TMTC2: variants seen among roughly 807,000 people sequenced by gnomAD.
TMTC2 encodes the protein protein O-mannosyl-transferase TMTC2.
TMTC2 carries 43 observed loss-of-function variants against 82.4 expected under a neutral mutation model. The observed-to-expected ratio is 0.52, with a 90% CI of 0.41 to 0.67. The LOEUF (loss-of-function observed/expected upper bound fraction) is 0.67. Ranked by LOEUF, TMTC2 falls within the 30% of genes least tolerant of loss-of-function variation. TMTC2 has a pLI of 0.00. For missense variants in TMTC2, 919 were observed against 1,012.4 expected (o/e 0.91, Z 1.25); for synonymous variants, 408 against 381.9 (o/e 1.07, Z -0.80).
intron 10 of TMTC2, among the ~76,000 whole-genome samples, chr12:83,054,829 C>T (rs1281662262): frequency 2.0e-5 from 3 of 151,926 alleles, no homozygotes; most frequent in Non-Finnish European, 4.4e-5. Flanking sequence ...GGATGATCTT[C>T]ATTCATCATA....
chr12:82,834,942 A>T (rs1869951538), intron 1 of TMTC2, among the ~76,000 whole-genome samples: 1 of 151,330 alleles, frequency 6.6e-6, no homozygotes, highest in African/African-American at 2.4e-5. Context: ...CGGTGGTGCT[A>T]TCTCGGCCCA....
chr12:83,045,749 A>ACACACACACACACACACACACC (rs1882092500), intron 9 of TMTC2, among the ~76,000 whole-genome samples: 4 of 138,206 alleles, frequency 2.9e-5, no homozygotes, highest in African/African-American at 1.0e-4. Flanking sequence ...ACACACACAC[A>ACACACACACACACACACACACC]CACCAGGAGT....
chr12:83,041,443 C>G (rs932360066), intron 9 of TMTC2, among the ~76,000 whole-genome samples: 7 of 152,048 alleles, frequency 4.6e-5, no homozygotes, highest in Non-Finnish European at 1.0e-4. Flanking sequence ...TATAAAGTAA[C>G]TAGCACATAA....
At chr12:82,703,675 T>G (rs1271014322) in intron 1 of TMTC2, among the ~76,000 whole-genome samples, 1 of 151,972 alleles carries the variant, frequency 6.6e-6, no homozygotes, top group Non-Finnish European at 1.5e-5. Flanking sequence ...ATTTTTTCTA[T>G]TTTTTGGTAG....
chr12:82,852,975 A>T (rs1485753657), intron 1 of TMTC2, among the ~76,000 whole-genome samples: 1 of 152,246 alleles, frequency 6.6e-6, no homozygotes, highest in African/African-American at 2.4e-5. Flanking sequence ...GAATTTTATC[A>T]TACTAATGTC....
intron 2 of TMTC2, among the ~76,000 whole-genome samples, chr12:82,886,389 TA>T (rs1384598437): frequency 1.3e-5 from 2 of 152,206 alleles, no homozygotes; most frequent in Non-Finnish European, 2.9e-5. Flanking sequence ...CAAGTATGAT[TA>T]AATGAGAGAC....
At chr12:82,947,205 A>G (rs982709124) in intron 4 of TMTC2, among the ~76,000 whole-genome samples, 7 of 152,212 alleles carry the variant, frequency 4.6e-5, no homozygotes, top group African/African-American at 1.7e-4. Flanking sequence ...CCTGTTTGAA[A>G]TAAAATTTCT....
intron 2 of TMTC2, among the ~76,000 whole-genome samples, chr12:82,886,648 A>G (rs1232852484): frequency 2.0e-5 from 3 of 152,226 alleles, no homozygotes; most frequent in African/African-American, 7.2e-5. Flanking sequence ...GCGATACCAA[A>G]CATTATAAAA....
At chr12:82,730,861 A>G (rs1565725946) in intron 1 of TMTC2, among the ~76,000 whole-genome samples, 1 of 152,020 alleles carries the variant, frequency 6.6e-6, no homozygotes, top group Non-Finnish European at 1.5e-5. Context: ...TAGAGAGGTA[A>G]AATCAAACGG....
intron 1 of TMTC2, among the ~76,000 whole-genome samples, chr12:82,837,623 G>A (rs569461713): frequency 1.3e-5 from 2 of 152,244 alleles, no homozygotes; most frequent in South Asian, 4.2e-4. Flanking sequence ...GCTTTTGGTC[G>A]ATAGAAAAGT....
chr12:83,016,832 C>T (rs192557468), intron 8 of TMTC2, among the ~76,000 whole-genome samples: 8 of 152,262 alleles, frequency 5.3e-5, no homozygotes, highest in Admixed American at 5.2e-4. Context: ...CCTCTCTGTG[C>T]CTCGCTTTCT....
intron 11 of TMTC2, among the ~76,000 whole-genome samples, chr12:83,081,635 A>G (rs1883472431): frequency 1.3e-5 from 2 of 152,374 alleles, no homozygotes; most frequent in East Asian, 1.9e-4. Context: ...AATCTGGTAC[A>G]AAATGTTTAA....
At chr12:83,011,922 A>G (rs1202091414) in intron 8 of TMTC2, among the ~76,000 whole-genome samples, 1 of 152,202 alleles carries the variant, frequency 6.6e-6, no homozygotes, top group Admixed American at 6.5e-5. Context: ...TTTTTAGTGC[A>G]TAATTGTTCA....
At chr12:82,904,371 G>A (rs758259689) in intron 3 of TMTC2, among the ~76,000 whole-genome samples, 1 of 152,116 alleles carries the variant, frequency 6.6e-6, no homozygotes, top group African/African-American at 2.4e-5. Context: ...CTTCAGTAAT[G>A]GGTCCTGTAG....
At chr12:82,805,067 G>C (rs944628929) in intron 1 of TMTC2, among the ~76,000 whole-genome samples, 1 of 152,090 alleles carries the variant, frequency 6.6e-6, no homozygotes, top group African/African-American at 2.4e-5. Context: ...TGCTGTGTCT[G>C]GTTTCCATTG....
intron 10 of TMTC2, among the ~76,000 whole-genome samples, chr12:83,059,685 A>G: frequency 6.6e-6 from 1 of 151,762 alleles, no homozygotes; most frequent in East Asian, 1.9e-4. Flanking sequence ...GACTTTAAAA[A>G]CTAATAACCA....
intron 1 of TMTC2, among the ~76,000 whole-genome samples, chr12:82,727,199 C>T (rs988244403): frequency 6.6e-6 from 1 of 151,888 alleles, no homozygotes; most frequent in South Asian, 2.1e-4. Context: ...GTAATTCTAC[C>T]ACCTCAGTAT....
chr12:82,710,545 G>A (rs972279629), intron 1 of TMTC2, among the ~76,000 whole-genome samples: 1 of 152,140 alleles, frequency 6.6e-6, no homozygotes, highest in Non-Finnish European at 1.5e-5. Context: ...GGATACTTAC[G>A]TGAAGGTCTG....
chr12:82,777,158 T>G (rs1253531267), intron 1 of TMTC2, among the ~76,000 whole-genome samples: 1 of 152,118 alleles, frequency 6.6e-6, no homozygotes, highest in African/African-American at 2.4e-5. Flanking sequence ...AGTTGTAGTA[T>G]GTTATAGCTA....
Sources: gnomAD v4.1 joint callset for allele counts (sites outside exome capture counted in the v4.1 genomes callset) on GRCh38, gnomAD v4.1.1 for gene constraint, MANE v1.5 for transcripts, NCBI Gene and HGNC (gene_info 2026-07-23, HGNC 2026-07-21) for gene names.